The following DACH2 variants were observed in gnomAD, a reference collection of about 807,000 sequenced individuals.
The protein encoded by DACH2 is dachshund family transcription factor 2, also known as dachshund homolog 2.
DACH2 carries 17 observed loss-of-function variants against 35.8 expected under a neutral mutation model. That is an observed-to-expected ratio of 0.48 (90% CI 0.33 to 0.71). The LOEUF is 0.71. Among genes scored for constraint, DACH2 ranks in the 30% least tolerant of loss-of-function variants. The probability of loss-of-function intolerance (pLI) is 0.02; values close to 1 mark genes in which losing one functional copy is unlikely to be tolerated. For missense variants in DACH2, 469 were observed against 472.7 expected (o/e 0.99, Z 0.07); for synonymous variants, 195 against 177.3 (o/e 1.10, Z -0.79).
chrX:86,647,439 C>T (rs1480622174), intron 3 of DACH2, among the ~76,000 whole-genome samples: 2 of 110,672 alleles, frequency 1.8e-5, no homozygotes, highest in African/African-American at 3.3e-5. Context: ...GGGACAAACA[C>T]CATGACACCA....
intron 2 of DACH2, among the ~76,000 whole-genome samples, chrX:86,402,796 C>A (rs1191115003): frequency 5.4e-5 from 6 of 111,865 alleles, no homozygotes; most frequent in African/African-American, 2.0e-4. Flanking sequence ...TTTAAGGCTA[C>A]AGTAACCAAA....
In DACH2 at chrX:86,563,728, T is replaced by C. The variant is rs186875606; in HGVS notation, c.640+49337T>C. On this transcript the variant is annotated intron_variant, in intron 3 of 11. Transcript: ENST00000373125. ...TGTGTCCTTAGGAAAGTCTTTTATTTTCTCAGGACTTCAGTTTTTAGTATG... is the reference window on the plus strand; with the variant it reads ...TGTGTCCTTAGGAAAGTCTTTTATTCTCTCAGGACTTCAGTTTTTAGTATG... Among the ~76,000 whole-genome samples, 25 of 110,455 alleles carry C rather than the reference T, an allele frequency of 2.3e-4. No individual in the cohort carries two copies. The East Asian group carries it at 6.1e-3, about 27-fold the overall frequency.
At chrX:86,828,738 G>A (rs999915813) in intron 11 of DACH2, 69 of 111,019 alleles carry the variant, frequency 6.2e-4, no homozygotes, top group African/African-American at 2.2e-3. Context: ...ATTTTTAACT[G>A]TTTACTTAGA....
At chrX:86,238,817 T>G (rs1254478438) in intron 1 of DACH2, among the ~76,000 whole-genome samples, 1 of 111,584 alleles carries the variant, frequency 9.0e-6, no homozygotes, top group African/African-American at 3.3e-5. Context: ...TGTGTTCAGT[T>G]GATTAGTGGG....
At chrX:86,303,516 C>T (rs1245368128) in intron 1 of DACH2, among the ~76,000 whole-genome samples, 1 of 110,299 alleles carries the variant, frequency 9.1e-6, no homozygotes, top group Non-Finnish European at 1.9e-5. Flanking sequence ...TGGAAATGTT[C>T]AATCAGAGGA....
chrX:86,374,737 G>A (rs1156388348), intron 1 of DACH2, among the ~76,000 whole-genome samples: 1 of 110,631 alleles, frequency 9.0e-6, no homozygotes, highest in Non-Finnish European at 1.9e-5. Flanking sequence ...GTGGAGAGGG[G>A]CAGCAAAAAG....
At chrX:86,358,108 A>G (rs780656793) in intron 1 of DACH2, among the ~76,000 whole-genome samples, 6 of 111,261 alleles carry the variant, frequency 5.4e-5, no homozygotes, top group Admixed American at 2.9e-4. Flanking sequence ...ATCACCTTGT[A>G]TTTTCCTGCA....
intron 2 of DACH2, among the ~76,000 whole-genome samples, chrX:86,459,342 G>A (rs960044911): frequency 9.0e-6 from 1 of 111,526 alleles, no homozygotes; most frequent in Admixed American, 9.6e-5. Flanking sequence ...ATTTATAAAA[G>A]GGTTAATTAT....
chrX:86,335,379 C>A (rs141689450), intron 1 of DACH2, among the ~76,000 whole-genome samples: 137 of 112,062 alleles, frequency 1.2e-3, no homozygotes, highest in African/African-American at 4.3e-3. Flanking sequence ...TTCTTCCTAT[C>A]CATAACATGA....
intron 6 of DACH2, among the ~76,000 whole-genome samples, chrX:86,719,307 T>C (rs2041373717): frequency 8.9e-6 from 1 of 112,219 alleles, no homozygotes; most frequent in African/African-American, 3.2e-5. Flanking sequence ...CAATTTTTTG[T>C]AAAGGGATCT....
chrX:86,578,647 T>C (rs2039465256), intron 3 of DACH2, among the ~76,000 whole-genome samples: 1 of 111,906 alleles, frequency 8.9e-6, no homozygotes, highest in Non-Finnish European at 1.9e-5. Context: ...ATGGACGTAC[T>C]ATAGTTAAGC....
chrX:86,451,610 T>C (rs2148197254), intron 2 of DACH2, among the ~76,000 whole-genome samples: 1 of 111,858 alleles, frequency 8.9e-6, no homozygotes, highest in Admixed American at 9.6e-5. Context: ...AATGATAGTT[T>C]AATGAAAATA....
intron 2 of DACH2, among the ~76,000 whole-genome samples, chrX:86,396,163 T>C (rs1413817325): frequency 1.8e-5 from 2 of 112,176 alleles, no homozygotes; most frequent in Non-Finnish European, 3.8e-5. Context: ...TTTTCATGTG[T>C]TTTTTGGCTG....
intron 7 of DACH2, among the ~76,000 whole-genome samples, chrX:86,767,591 C>A (rs778744375): frequency 1.8e-5 from 2 of 112,011 alleles, no homozygotes; most frequent in South Asian, 3.7e-4. Context: ...TTAATTTAGA[C>A]CTTTTCTGTT....
chrX:86,208,916 C>CT (rs1327972696), intron 1 of DACH2, among the ~76,000 whole-genome samples: 1 of 111,398 alleles, frequency 9.0e-6, no homozygotes, highest in African/African-American at 3.3e-5. Flanking sequence ...GCTTTAGGTA[C>CT]AGTGCAGGAA....
chrX:86,733,472 G>A (rs187938343), intron 6 of DACH2, among the ~76,000 whole-genome samples: 1 of 111,553 alleles, frequency 9.0e-6, no homozygotes, highest in Non-Finnish European at 1.9e-5. Context: ...AACATGAATT[G>A]GAAATTGCAT....
chrX:86,280,711 A>G (rs1209269122), intron 1 of DACH2, among the ~76,000 whole-genome samples: 1 of 111,987 alleles, frequency 8.9e-6, no homozygotes, highest in African/African-American at 3.2e-5. Context: ...AAACCCATCA[A>G]ACATGCGAAG....
chrX:86,200,036 T>A lies in DACH2; in HGVS notation c.488+50928T>A, dbSNP rs142800262. On this transcript the variant is annotated intron_variant, in intron 1 of 11. Coordinates refer to ENST00000373125, the MANE Select transcript of DACH2 (RefSeq NM_053281.3). The stretch of plus-strand genomic sequence containing the variant: ...AGCTGGAAGCATCATGGTACTTGAC[T>A]TCAGACTATGCTACACGGCAACAGT... Among the ~76,000 whole-genome samples, 333 of 111,784 alleles carry A rather than the reference T, an allele frequency of 3.0e-3. 1 individual carries two copies. The highest frequency in any genetic ancestry group is 0.01 in the African/African-American group (319 of 30,770).
chrX:86,252,635 C>T (rs184717571), intron 1 of DACH2, among the ~76,000 whole-genome samples: 2 of 110,963 alleles, frequency 1.8e-5, no homozygotes, highest in African/African-American at 6.5e-5. Flanking sequence ...TTTGCTCTGT[C>T]GAAGATCAGT....
Sources: allele counts gnomAD v4.1 joint callset (sites outside exome capture counted in the v4.1 genomes callset), GRCh38; gene constraint gnomAD v4.1.1; transcripts MANE v1.5; gene names NCBI Gene and HGNC (gene_info 2026-07-23, HGNC 2026-07-21).